The following BTAF1 variants were observed in gnomAD, a reference collection of about 807,000 sequenced individuals.
BTAF1 encodes B-TFIID TATA-box binding protein associated factor 1.
Under a neutral mutation model 227.1 loss-of-function variants are expected in BTAF1, and 38 were observed. The observed-to-expected ratio is 0.17, with a 90% CI of 0.13 to 0.22. BTAF1 has a LOEUF of 0.22. Ranked by LOEUF, BTAF1 falls within the 10% of genes least tolerant of loss-of-function variation. The pLI is 1.00. For missense variants in BTAF1, 1,598 were observed against 2,204.0 expected (o/e 0.73, Z 5.51); for synonymous variants, 742 against 751.9 (o/e 0.99, Z 0.21).
At chr10:91,989,673 C>T in intron 20 of BTAF1, 93 bp downstream of exon 20, 3 of 1,210,654 alleles carry the variant, frequency 2.5e-6, no homozygotes, top group Non-Finnish European at 3.4e-6. Context: ...AAATCCAGTT[C>T]ATGTTAGTGT....
chr10:91,950,015 G>C (rs553091549), intron 4 of BTAF1, among the ~76,000 whole-genome samples: 157 of 152,148 alleles, frequency 1.0e-3, no homozygotes, highest in Non-Finnish European at 1.7e-3. Context: ...GGTGACACAT[G>C]CATATGGTCC....
At chr10:91,987,175 T>A (rs1848457779) in intron 19 of BTAF1, among the ~76,000 whole-genome samples, 1 of 150,576 alleles carries the variant, frequency 6.6e-6, no homozygotes, top group African/African-American at 2.5e-5. Context: ...TTGTCAGCAT[T>A]TTCTTTCAGA....
At chr10:91,978,088 C>G (rs1202762987) in intron 14 of BTAF1, among the ~76,000 whole-genome samples, 1 of 152,166 alleles carries the variant, frequency 6.6e-6, no homozygotes, top group African/African-American at 2.4e-5. Context: ...GCTTGACAAA[C>G]ATGATGTCAT....
chr10:91,951,557 C>A lies in BTAF1; in HGVS notation c.555C>A (p.Asn185Lys). ...DYTPTSASFV[N>K]KQPTLQAAEL... Reference sequence around the variant, plus strand: ...CCCCAACTTCAGCATCCTTTGTTAACAAACAACCTGTAGGTAAAACGTTTG... The same window carrying A: ...CCCCAACTTCAGCATCCTTTGTTAAAAAACAACCTGTAGGTAAAACGTTTG... Residue 185 changes from asparagine (N) to lysine (K), a missense_variant, in exon 5 of 38, where the codon AAC (asparagine) becomes AAA (lysine). Physicochemically the swap from Asn to Lys is moderately conservative, Grantham distance 94. Around this residue, in one of 10 missense-constraint regions of BTAF1, gnomAD observed 298 missense variants for 395.2 expected, o/e 0.75. Coordinates refer to ENST00000265990, the MANE Select transcript of BTAF1 (RefSeq NM_003972.3). 1 of 1,595,644 alleles carries A rather than the reference C, an allele frequency of 6.3e-7. No individual in the cohort carries two copies. The highest frequency in any genetic ancestry group is 2.2e-5 in the East Asian group (1 of 44,518).
At chr10:91,993,614 T>C in intron 21 of BTAF1, 80 bp from the exon 22 acceptor site, 1 of 1,137,114 alleles carries the variant, frequency 8.8e-7, no homozygotes, top group Non-Finnish European at 1.2e-6. Context: ...AGATGGTGAC[T>C]TTTAAATTCT....
At chr10:91,935,288 G>A (rs921652226) in intron 1 of BTAF1, 2 of 158,696 alleles carry the variant, frequency 1.3e-5, no homozygotes, top group Admixed American at 6.3e-5. Context: ...GAAAATATAC[G>A]GTAAATTGTT....
Position 91,991,271 on chromosome 10 carries a change from A to ATATATATATATATATATAT in BTAF1, c.2855-848_2855-847insTATATATATATATATATAT, listed in dbSNP as rs1564699914. On this transcript the variant is annotated intron_variant, in intron 20 of 37. Coordinates refer to ENST00000265990, the MANE Select transcript of BTAF1 (RefSeq NM_003972.3). ...AAAAAAATATATAAATATAAATATAAATATATATATATATATATATAAATT... is the reference window on the plus strand; with the variant it reads ...AAAAAAATATATAAATATAAATATAATATATATATATATATATATATATATATATATATATATATAAATT... Among the ~76,000 whole-genome samples the ATATATATATATATATATAT allele has an allele frequency of 4.2e-3, 277 of 66,028 alleles. 9 individuals carry two copies. Among genetic ancestry groups the ATATATATATATATATATAT allele is most frequent in the South Asian group, 0.011 (19 of 1,692 alleles). The allele number at this position is 66,028 out of a possible 152,430, so 43.3% of individuals were successfully genotyped here.
At chr10:91,946,053 G>A (rs1159968298) in intron 4 of BTAF1, among the ~76,000 whole-genome samples, 1 of 152,142 alleles carries the variant, frequency 6.6e-6, no homozygotes, top group Non-Finnish European at 1.5e-5. Context: ...ATTTGTAAAA[G>A]CCTTTCATTA....
At chr10:92,028,516 C>T (rs1172902074) in intron 37 of BTAF1, among the ~76,000 whole-genome samples, 1 of 152,046 alleles carries the variant, frequency 6.6e-6, no homozygotes, top group Admixed American at 6.5e-5. Context: ...TTCTGACATC[C>T]ATATATACAT....
rs756526888 is a variant in BTAF1, at chr10:91,989,339, G to A, written c.2613G>A (p.Pro871=). The A allele has an allele frequency of 7.4e-6, 12 of 1,613,886 alleles. No individual in the cohort carries two copies. The highest frequency in any genetic ancestry group is 2.2e-5 in the East Asian group (1 of 44,878). The change falls in exon 20 of 38, where the codon CCG becomes CCA. Residue 871 remains proline, a synonymous_variant. Coordinates refer to ENST00000265990, the MANE Select transcript of BTAF1 (RefSeq NM_003972.3). The stretch of plus-strand genomic sequence containing the variant: ...CAGTTGTGAGCTTGCAGCAGCTTCC[G>A]GAGAAATTAAATCCTATCATAAAAC... ...ACAVVSLQQL[P]EKLNPIIKPL... is the part of the protein sequence containing the mutation.
Position 91,991,300 on chromosome 10 carries a change from C to T in BTAF1, c.2855-819C>T, listed in dbSNP as rs919773383. On this transcript the variant is annotated intron_variant, in intron 20 of 37. Coordinates refer to ENST00000265990, the MANE Select transcript of BTAF1 (RefSeq NM_003972.3). ...TATATATATATATATATAAATTATCCGGACGTGGTGGCGTGCGTCTGTAAT... is the reference window on the plus strand; with the variant it reads ...TATATATATATATATATAAATTATCTGGACGTGGTGGCGTGCGTCTGTAAT... Among the ~76,000 whole-genome samples the T allele has an allele frequency of 9.7e-5, 7 of 71,858 alleles. 1 individual carries two copies. The highest frequency in any genetic ancestry group is 1.5e-4 in the Non-Finnish European group (4 of 25,874). 47.1% of individuals were successfully genotyped at this position (71,858 alleles called of 152,430 possible).
In BTAF1 at chr10:91,953,890, G is replaced by A. The variant is rs1369561856; in HGVS notation, c.701+17G>A. The A allele has an allele frequency of 1.9e-6, 3 of 1,611,942 alleles. No homozygotes were observed. Among genetic ancestry groups the A allele is most frequent in the Non-Finnish European group, 2.5e-6 (3 of 1,179,214 alleles). ...TGAGAAGAGGTAGTAATCTTTTTTT[G>A]CCTATTCACTTAAAACAAGAGGGCT... On this transcript the variant is annotated intron_variant, in intron 6 of 37. Transcript: ENST00000265990.
Position 91,999,903 on chromosome 10 carries a change from A to G in BTAF1, c.3660+2152A>G, listed in dbSNP as rs528702153. ...TGGTGATAAAGGTATAAAGAAAAAT[A>G]AAGAAATTACCATAAAAGTCAGTGA... On this transcript the variant is annotated intron_variant, in intron 25 of 37. Transcript: ENST00000265990. 3.0e-3 allele frequency among the ~76,000 whole-genome samples: 463 copies of G among 152,324 alleles called. 9 individuals are homozygous for G. The highest frequency in any genetic ancestry group is 0.011 in the African/African-American group (453 of 41,576).
intron 30 of BTAF1, 59 bp downstream of exon 30, chr10:92,011,474 G>A (rs1018900716): frequency 2.4e-6 from 2 of 829,076 alleles, no homozygotes; most frequent in Admixed American, 8.8e-5. Context: ...ATGTTTGCCA[G>A]GTGGAGGGTA....
At chr10:91,929,750 C>A (rs537621277) in intron 1 of BTAF1, among the ~76,000 whole-genome samples, 6 of 152,096 alleles carry the variant, frequency 3.9e-5, no homozygotes, top group Non-Finnish European at 8.8e-5. Context: ...GAGATGAGGT[C>A]TCTCTGTGTT....
At chr10:91,986,743 C>G (rs1396836804) in intron 19 of BTAF1, among the ~76,000 whole-genome samples, 1 of 152,132 alleles carries the variant, frequency 6.6e-6, no homozygotes. Flanking sequence ...CAAATGGCCC[C>G]TTCTTTAAGA....
chr10:92,029,305 A>G lies in BTAF1; in HGVS notation c.*372A>G, dbSNP rs1051401353. 1 of 154,950 alleles carries G rather than the reference A, an allele frequency of 6.5e-6. No individual in the cohort carries two copies. Among genetic ancestry groups the G allele is most frequent in the African/African-American group, 2.4e-5 (1 of 41,516 alleles). The allele number at this position is 154,950 out of a possible 1,614,324, so 9.6% of individuals were successfully genotyped here. On this transcript the variant is annotated 3_prime_UTR_variant, in exon 38 of 38. Transcript: ENST00000265990. ...AGTGTTTGTATATGTTTTTTCTTTT[A>G]AATAGAACTTGTTTTTATAATTGAT...
intron 20 of BTAF1, 24 bp from the exon 21 acceptor site, chr10:91,992,095 G>C (rs1474156034): frequency 1.3e-6 from 2 of 1,531,424 alleles, no homozygotes; most frequent in South Asian, 1.3e-5. Flanking sequence ...TGATTAAAAG[G>C]TTGTTTAACT....
rs1589748455 is a variant in BTAF1 at position 91,935,890 on chromosome 10, ATTTC to A, written c.138+114_138+117del. 3.0e-5 allele frequency: 32 copies of A among 1,056,994 alleles called. No homozygotes were observed. In the East Asian group the frequency reaches 3.7e-4, roughly 12 times the overall value. 65.5% of individuals were successfully genotyped at this position (1,056,994 alleles called of 1,614,324 possible). The stretch of plus-strand genomic sequence containing the variant: ...ATCTTAATTTTTAAACATTTTTGCT[ATTTC>A]TTTTTTTTTTCTGGTCACAAGACTT... On this transcript the variant is annotated intron_variant, in intron 2 of 37. Coordinates refer to ENST00000265990, the MANE Select transcript of BTAF1 (RefSeq NM_003972.3).
Sources: gnomAD v4.1 joint callset for allele counts (sites outside exome capture counted in the v4.1 genomes callset) on GRCh38, gnomAD v4.1.1 for gene constraint, gnomAD v4.1.1 regional missense constraint, MANE v1.5 for transcripts, NCBI Gene and HGNC (gene_info 2026-07-23, HGNC 2026-07-21) for gene names.